Variants in CSF1 observed in about 807,000 individuals in gnomAD.
The protein encoded by CSF1 is colony stimulating factor 1.
A neutral mutation model predicts 48.9 loss-of-function variants in CSF1; 9 were observed. The observed-to-expected ratio is 0.18, with a 90% CI of 0.11 to 0.32. The LOEUF (loss-of-function observed/expected upper bound fraction) is 0.32, where lower values mean the gene tolerates loss of function less well. CSF1 is among the 10% of genes least tolerant of loss of function. The pLI, the probability that CSF1 is intolerant of heterozygous loss-of-function variation, is 1.00. For synonymous variants in CSF1, 305 were observed against 284.1 expected (o/e 1.07, Z -0.74); for missense variants, 672 against 697.9 (o/e 0.96, Z 0.42).
Position 109,930,244 on chromosome 1 carries a change from C to G in CSF1, c.*1406C>G, listed in dbSNP as rs1648013005. The G allele has an allele frequency of 6.6e-6, 1 of 152,344 alleles. No individual in the cohort carries two copies. 9.4% of individuals were successfully genotyped at this position (152,344 alleles called of 1,614,324 possible). A position where few individuals can be genotyped will look rare whatever the true frequency, so the allele number is the denominator to read the frequency against. ...GATGACCTCCAACTCTCACCCACCC[C>G]CTCTACCATCACCTCTAACCAGGCA... On this transcript the variant is annotated 3_prime_UTR_variant, in exon 9 of 9. Coordinates refer to ENST00000329608, the MANE Select transcript of CSF1 (RefSeq NM_000757.6).
chr1:109,912,001 G>A (rs887264649), intron 1 of CSF1, among the ~76,000 whole-genome samples: 3 of 152,006 alleles, frequency 2.0e-5, no homozygotes, highest in African/African-American at 7.2e-5. Flanking sequence ...GGGGAAACCT[G>A]GGGGGAAAAG....
chr1:109,915,779 G>T (rs1654875848), intron 3 of CSF1, 83 bp downstream of exon 3: 1 of 1,149,204 alleles, frequency 8.7e-7, no homozygotes, highest in Non-Finnish European at 1.3e-6. Flanking sequence ...CATGAAAGCG[G>T]CAGAATGCCT....
intron 1 of CSF1, among the ~76,000 whole-genome samples, chr1:109,911,690 G>A (rs1381700126): frequency 6.6e-6 from 1 of 152,234 alleles, no homozygotes; most frequent in Non-Finnish European, 1.5e-5. Context: ...CCCACCCCCG[G>A]GGCTGCTTGG....
At position 109,915,491 on chromosome 1, in the gene CSF1, A is replaced by C. The variant is rs534496833; in HGVS notation, c.163-143A>C. The C allele has an allele frequency of 7.3e-6, 5 of 683,042 alleles. No individual in the cohort carries two copies. In the South Asian group the frequency reaches 8.7e-5, roughly 12 times the overall value. The allele number at this position is 683,042 out of a possible 1,614,324, so 42.3% of individuals were successfully genotyped here. A position where few individuals can be genotyped will look rare whatever the true frequency, so the allele number is the denominator to read the frequency against. The stretch of plus-strand genomic sequence containing the variant: ...AGGCACTGATCTTCTCCTAGACTTG[A>C]CTCTGTCTTTCCACGTGTGGTTGGC... On this transcript the variant is annotated intron_variant, in intron 2 of 8. Coordinates refer to ENST00000329608, the MANE Select transcript of CSF1 (RefSeq NM_000757.6).
chr1:109,921,859 A>G lies in CSF1; in HGVS notation c.409A>G (p.Thr137Ala), dbSNP rs745478521. 1.2e-5 allele frequency: 19 copies of G among 1,591,266 alleles called. No individual in the cohort carries two copies. The highest frequency in any genetic ancestry group is 1.0e-4 in the South Asian group (9 of 88,542). Residue 137 changes from threonine (T) to alanine (A), a missense_variant, in exon 5 of 9, where the codon ACT becomes GCT. Thr to Ala is a moderately conservative substitution (Grantham distance 58). Around this residue, in one of 3 missense-constraint regions of CSF1, gnomAD observed 591 missense variants for 593.6 expected, o/e 1.00. Transcript: ENST00000329608. ...GATCTCCTTCCAGGCCTGCGTCCGA[A>G]CTTTCTATGAGACACCTCTCCAGTT... ...YEEHDKACVR[T>A]FYETPLQLLE...
intron 3 of CSF1, 61 bp downstream of exon 3, chr1:109,915,757 T>C: frequency 7.2e-7 from 1 of 1,384,116 alleles, no homozygotes; most frequent in South Asian, 1.2e-5. Context: ...CAGGGTGGGG[T>C]GTGTGGGGGA....
At chr1:109,920,808 T>G (rs1029630885) in intron 4 of CSF1, among the ~76,000 whole-genome samples, 2 of 152,044 alleles carry the variant, frequency 1.3e-5, no homozygotes, top group Non-Finnish European at 2.9e-5. Flanking sequence ...CATGGCCTTG[T>G]GTGAAAGGAG....
chr1:109,918,141 A>T (rs1647339420), intron 4 of CSF1, among the ~76,000 whole-genome samples: 1 of 152,236 alleles, frequency 6.6e-6, no homozygotes, highest in Non-Finnish European at 1.5e-5. Context: ...TGAGCTCCAA[A>T]GATGAGTAAG....
At chr1:109,916,104 T>A (rs918686941) in intron 3 of CSF1, among the ~76,000 whole-genome samples, 2 of 152,120 alleles carry the variant, frequency 1.3e-5, no homozygotes, top group African/African-American at 4.8e-5. Context: ...CTTAAGGATG[T>A]CACTTCTCTT....
chr1:109,921,814 T>C (rs199611804), intron 4 of CSF1, 33 bp from the exon 5 acceptor site: 88 of 1,524,332 alleles, frequency 5.8e-5, no homozygotes, highest in African/African-American at 4.2e-5. Flanking sequence ...CCAATGGTCA[T>C]GCTCACAAAA....
In CSF1 at chr1:109,914,409, C is replaced by T. The variant is rs1360804374; in HGVS notation, c.162+28C>T. 2.6e-6 allele frequency: 4 copies of T among 1,551,934 alleles called. No homozygotes were observed. In the South Asian group the frequency reaches 5.0e-5, roughly 19 times the overall value. On this transcript the variant is annotated intron_variant, in intron 2 of 8. Transcript: ENST00000329608. ...GAGTGTGTGGCCATGCTGTATTCTA[C>T]CTTCTCCCCACTGGGGAAATGAAGG...
rs952921572 is a variant in CSF1 at position 109,923,779 on chromosome 1, G to T, written c.1158G>T (p.Lys386Asn). Reference protein sequence around the residue: ...TGQDWNHTPQKTDHPSALLRD... With the variant: ...TGQDWNHTPQNTDHPSALLRD... ...AGGACTGGAATCACACCCCCCAGAA[G>T]ACAGACCATCCATCTGCCCTGCTCA... Residue 386 changes from lysine to asparagine, a missense_variant, in exon 6 of 9, where the codon AAG becomes AAT. Around this residue, in one of 3 missense-constraint regions of CSF1, gnomAD observed 591 missense variants for 593.6 expected, o/e 1.00. Coordinates refer to ENST00000329608, the MANE Select transcript of CSF1 (RefSeq NM_000757.6). 43 of 1,608,492 alleles carry T rather than the reference G, an allele frequency of 2.7e-5. No homozygotes were observed. The highest frequency in any genetic ancestry group is 3.3e-5 in the Non-Finnish European group (39 of 1,177,326).
rs1018385696 is a variant in CSF1, at chr1:109,930,619, T to G, written c.*1781T>G. The G allele has an allele frequency of 6.6e-6, 1 of 152,234 alleles. No homozygotes were observed. Among genetic ancestry groups the G allele is most frequent in the Non-Finnish European group, 1.5e-5 (1 of 68,044 alleles). The allele number at this position is 152,234 out of a possible 1,614,324, so 9.4% of individuals were successfully genotyped here. ...AGCCTTCTAGTCACAGCCTCTATAT[T>G]TGATGCTAGAAAACACATATTTTTA... On this transcript the variant is annotated 3_prime_UTR_variant, in exon 9 of 9. Transcript: ENST00000329608.
chr1:109,910,851 G>C lies in CSF1; in HGVS notation c.-173G>C, dbSNP rs1400962276. 3.6e-6 allele frequency: 1 copy of C among 276,454 alleles called. No individual in the cohort carries two copies. The highest frequency in any genetic ancestry group is 6.0e-6 in the Non-Finnish European group (1 of 167,802). The allele number at this position is 276,454 out of a possible 1,614,324, so 17.1% of individuals were successfully genotyped here. A position where few individuals can be genotyped will look rare whatever the true frequency, so the allele number is the denominator to read the frequency against. ...GGCTGTGCCGAGGGCTGGCCAGTGA[G>C]GCTCGGCCCGGGGAAAGTGAAAGTT... is the stretch of plus-strand genomic sequence containing the variant. On this transcript the variant is annotated 5_prime_UTR_variant, in exon 1 of 9. Coordinates refer to ENST00000329608, the MANE Select transcript of CSF1 (RefSeq NM_000757.6).
At chr1:109,913,742 T>C (rs1366704669) in intron 1 of CSF1, among the ~76,000 whole-genome samples, 1 of 152,170 alleles carries the variant, frequency 6.6e-6, no homozygotes. Flanking sequence ...GATCCCACAG[T>C]TTTTCCAGTG....
chr1:109,912,283 G>A (rs1654723042), intron 1 of CSF1, among the ~76,000 whole-genome samples: 1 of 152,114 alleles, frequency 6.6e-6, no homozygotes, highest in Non-Finnish European at 1.5e-5. Flanking sequence ...CCTTGTTGAG[G>A]GGGAAGATGA....
intron 6 of CSF1, 64 bp downstream of exon 6, chr1:109,924,254 G>C: frequency 1.4e-6 from 2 of 1,447,158 alleles, no homozygotes; most frequent in Non-Finnish European, 1.8e-6. Context: ...CCTGGCGGGG[G>C]TGCAGGTGGG....
chr1:109,917,008 C>T (rs1298609940), intron 3 of CSF1, among the ~76,000 whole-genome samples: 2 of 152,162 alleles, frequency 1.3e-5, no homozygotes, highest in South Asian at 4.1e-4. Context: ...AGCCCACCTT[C>T]CCTATATACA....
rs375486050 is a variant in CSF1 at position 109,923,671 on chromosome 1, C to T, written c.1050C>T (p.Leu350=). The T allele has an allele frequency of 3.1e-6, 5 of 1,613,742 alleles. No individual in the cohort carries two copies. In the African/African-American group the frequency reaches 6.7e-5, roughly 22 times the overall value. Residue 350 remains leucine, a synonymous_variant, in exon 6 of 9, where the codon CTC becomes CTT. Transcript: ENST00000329608. ...PSNFLSASSP[L]PASAKGQQPA... ...ACTTCCTCTCAGCATCTTCTCCACT[C>T]CCTGCATCAGCAAAGGGCCAACAGC...
Sources: gnomAD v4.1 joint callset for allele counts (sites outside exome capture counted in the v4.1 genomes callset) on GRCh38, gnomAD v4.1.1 for gene constraint, gnomAD v4.1.1 regional missense constraint, MANE v1.5 for transcripts, NCBI Gene and HGNC (gene_info 2026-07-23, HGNC 2026-07-21) for gene names.